Variants in BRINP3 observed in about 807,000 individuals in gnomAD.
The protein encoded by BRINP3 is BMP/retinoic acid inducible neural specific 3, also known as BMP/retinoic acid-inducible neural-specific protein 3.
Under a neutral mutation model 71.0 loss-of-function variants are expected in BRINP3, and 19 were observed. That is an observed-to-expected ratio of 0.27 (90% CI 0.19 to 0.39). The LOEUF is 0.39. Ranked by LOEUF, BRINP3 falls within the 10% of genes least tolerant of loss-of-function variation. The pLI is 1.00. For synonymous variants in BRINP3, 380 were observed against 337.7 expected, an observed-to-expected ratio of 1.13 and a Z score of -1.37; for missense variants, 959 against 940.8, an observed-to-expected ratio of 1.02 and a Z score of -0.25.
intron 3 of BRINP3, among the ~76,000 whole-genome samples, chr1:190,280,764 T>G (rs967768165): frequency 6.6e-6 from 1 of 151,950 alleles, no homozygotes; most frequent in Non-Finnish European, 1.5e-5. Flanking sequence ...GTGTTCTTCA[T>G]TATAAGAAAA....
chr1:190,455,777 T>A (rs1490122832), intron 1 of BRINP3, among the ~76,000 whole-genome samples: 2 of 152,162 alleles, frequency 1.3e-5, no homozygotes, highest in Non-Finnish European at 1.5e-5. Flanking sequence ...TGCAGACTAT[T>A]CATAGACTTT....
intron 6 of BRINP3, among the ~76,000 whole-genome samples, chr1:190,222,415 G>T (rs74715490): frequency 6.6e-6 from 1 of 151,548 alleles, no homozygotes; most frequent in Admixed American, 6.6e-5. Context: ...TATATCAAGC[G>T]GGATGTTTAT....
chr1:190,422,076 C>G (rs958691117), intron 2 of BRINP3, among the ~76,000 whole-genome samples: 4 of 151,706 alleles, frequency 2.6e-5, no homozygotes, highest in African/African-American at 9.7e-5. Context: ...CCAGTTCTGC[C>G]TCTTAATAAT....
At chr1:190,419,272 C>T (rs1673203982) in intron 2 of BRINP3, among the ~76,000 whole-genome samples, 1 of 151,830 alleles carries the variant, frequency 6.6e-6, no homozygotes, top group Non-Finnish European at 1.5e-5. Flanking sequence ...TCTGTCATTG[C>T]AAGACACCAA....
At chr1:190,445,154 T>C (rs1311878312) in intron 2 of BRINP3, among the ~76,000 whole-genome samples, 2 of 152,136 alleles carry the variant, frequency 1.3e-5, no homozygotes, top group East Asian at 3.9e-4. Flanking sequence ...ATTAAAAAAA[T>C]AGGCAGCATA....
chr1:190,372,614 G>T (rs1167655671), intron 2 of BRINP3, among the ~76,000 whole-genome samples: 1 of 152,122 alleles, frequency 6.6e-6, no homozygotes, highest in Non-Finnish European at 1.5e-5. Context: ...TTATTTAGTG[G>T]CTTATACCCT....
chr1:190,121,457 G>C (rs1653653096), intron 7 of BRINP3, among the ~76,000 whole-genome samples: 1 of 152,002 alleles, frequency 6.6e-6, no homozygotes, highest in African/African-American at 2.4e-5. Context: ...AATCAAAACA[G>C]ATATCAAATG....
At chr1:190,246,270 T>G (rs1221237510) in intron 4 of BRINP3, among the ~76,000 whole-genome samples, 1 of 152,072 alleles carries the variant, frequency 6.6e-6, no homozygotes, top group African/African-American at 2.4e-5. Flanking sequence ...TTCTTGACTA[T>G]TTCCTCTAGA....
intron 2 of BRINP3, among the ~76,000 whole-genome samples, chr1:190,395,982 G>GAAGGAAGGAAGC (rs1312965864): frequency 6.8e-6 from 1 of 146,904 alleles, no homozygotes; most frequent in Non-Finnish European, 1.5e-5. Context: ...AAGAAGGAAG[G>GAAGGAAGGAAGC]AAGGAAGGAA....
At chr1:190,346,758 T>G (rs1370112110) in intron 2 of BRINP3, among the ~76,000 whole-genome samples, 1 of 152,140 alleles carries the variant, frequency 6.6e-6, no homozygotes, top group Non-Finnish European at 1.5e-5. Flanking sequence ...ATCTCTGAAA[T>G]GCCCCAGAAT....
intron 4 of BRINP3, among the ~76,000 whole-genome samples, chr1:190,239,568 C>A (rs75925391): frequency 0.015 from 2,237 of 152,106 alleles, 44 homozygotes; most frequent in African/African-American, 0.051. Context: ...ATTTTTTAAT[C>A]TAGGACATGG....
intron 3 of BRINP3, among the ~76,000 whole-genome samples, chr1:190,269,978 C>T (rs967569093): frequency 5.9e-5 from 9 of 151,914 alleles, no homozygotes; most frequent in Admixed American, 3.3e-4. Context: ...AAATGCCCAT[C>T]GGTAGGAATA....
chr1:190,177,336 T>G (rs1301138909), intron 6 of BRINP3, among the ~76,000 whole-genome samples: 3 of 143,022 alleles, frequency 2.1e-5, no homozygotes, highest in Non-Finnish European at 4.6e-5. Flanking sequence ...ATAATTTTTT[T>G]TTTTTTTTTT....
At chr1:190,284,503 T>C (rs1217050391) in intron 2 of BRINP3, among the ~76,000 whole-genome samples, 1 of 152,016 alleles carries the variant, frequency 6.6e-6, no homozygotes, top group Non-Finnish European at 1.5e-5. Flanking sequence ...TACAATTGTA[T>C]AGTAGCTTAG....
Position 190,165,200 on chromosome 1 carries a change from C to T in BRINP3, c.962-4310G>A, listed in dbSNP as rs571532506. Among the ~76,000 whole-genome samples, 63 of 152,062 alleles carry T rather than the reference C, an allele frequency of 4.1e-4. 1 individual carries two copies. In the South Asian group the frequency reaches 5.6e-3, roughly 14 times the overall value. On this transcript the variant is annotated intron_variant, in intron 6 of 7. Coordinates refer to ENST00000367462, the MANE Select transcript of BRINP3 (RefSeq NM_199051.3). ...CCATGCAAACATTTGTTTTTACACA[C>T]AAAAAATGATCATTTCTGATTTTAT... is the stretch of plus-strand genomic sequence containing the variant.
intron 7 of BRINP3, among the ~76,000 whole-genome samples, chr1:190,159,677 C>T (rs1657175456): frequency 6.6e-6 from 1 of 151,858 alleles, no homozygotes; most frequent in Admixed American, 6.6e-5. Flanking sequence ...AGAGAAACAG[C>T]CTTGGACTGG....
At chr1:190,367,020 A>G (rs1011984442) in intron 2 of BRINP3, among the ~76,000 whole-genome samples, 1 of 152,100 alleles carries the variant, frequency 6.6e-6, no homozygotes, top group Non-Finnish European at 1.5e-5. Context: ...CAGTGGAGCT[A>G]CCATTCTGGC....
intron 6 of BRINP3, among the ~76,000 whole-genome samples, chr1:190,200,596 A>G (rs1195994345): frequency 2.0e-5 from 3 of 152,078 alleles, no homozygotes; most frequent in African/African-American, 7.2e-5. Flanking sequence ...TCAATTAGTC[A>G]TGTGATGATG....
intron 2 of BRINP3, among the ~76,000 whole-genome samples, chr1:190,452,153 T>C (rs1675651904): frequency 6.6e-6 from 1 of 152,164 alleles, no homozygotes; most frequent in Admixed American, 6.5e-5. Flanking sequence ...ATGGCAAACA[T>C]TAATGAAAAG....
Sources: gnomAD v4.1 joint callset for allele counts (sites outside exome capture counted in the v4.1 genomes callset) on GRCh38, gnomAD v4.1.1 for gene constraint, MANE v1.5 for transcripts, NCBI Gene and HGNC (gene_info 2026-07-23, HGNC 2026-07-21) for gene names.